VWA8: variants seen among roughly 807,000 people sequenced by gnomAD.
VWA8 encodes the protein von Willebrand factor A domain-containing protein 8.
In VWA8, 221 loss-of-function variants were observed where a neutral mutation model predicts 241.5. The ratio of observed to expected loss-of-function variants is 0.91; its 90% CI spans 0.82 to 1.02. The LOEUF (loss-of-function observed/expected upper bound fraction) is 1.02, where lower values mean the gene tolerates loss of function less well. VWA8 is among the 50% of genes least tolerant of loss of function. The pLI is 0.00. For missense variants in VWA8, 2,322 were observed against 2,328.7 expected (o/e 1.00, Z 0.06); for synonymous variants, 852 against 827.1 (o/e 1.03, Z -0.52).
At chr13:41,867,150 T>C (rs769132932) in intron 10 of VWA8, among the ~76,000 whole-genome samples, 3 of 152,240 alleles carry the variant, frequency 2.0e-5, no homozygotes, top group Admixed American at 6.5e-5. Context: ...TAATGAAGTC[T>C]TGTTCATACC....
intron 40 of VWA8, among the ~76,000 whole-genome samples, chr13:41,595,275 A>G (rs1366138699): frequency 3.9e-5 from 6 of 152,168 alleles, no homozygotes; most frequent in African/African-American, 1.4e-4. Context: ...TAGCTTGAAG[A>G]CTGTTTCCAT....
chr13:41,684,047 T>C (rs1352875388), intron 35 of VWA8, among the ~76,000 whole-genome samples: 1 of 152,202 alleles, frequency 6.6e-6, no homozygotes, highest in African/African-American at 2.4e-5. Context: ...CCAGAATGGA[T>C]TGTAAACTTC....
chr13:41,624,976 AG>A (rs1337257418), intron 37 of VWA8, among the ~76,000 whole-genome samples: 2 of 152,248 alleles, frequency 1.3e-5, no homozygotes, highest in East Asian at 3.8e-4. Flanking sequence ...GTAAAGTTTC[AG>A]GATACAAAAT....
intron 40 of VWA8, 78 bp downstream of exon 40, chr13:41,605,090 A>G: frequency 2.1e-6 from 3 of 1,432,386 alleles, no homozygotes; most frequent in African/African-American, 1.4e-5. Flanking sequence ...TAGGGTTCAG[A>G]TAATTTTCTC....
chr13:41,859,445 C>T (rs536306726), intron 12 of VWA8, among the ~76,000 whole-genome samples: 1 of 152,190 alleles, frequency 6.6e-6, no homozygotes, highest in African/African-American at 2.4e-5. Context: ...ATTATTTTCA[C>T]TAAAAGTCCC....
At chr13:41,604,509 CAGA>C (rs937543580) in intron 40 of VWA8, among the ~76,000 whole-genome samples, 1 of 152,046 alleles carries the variant, frequency 6.6e-6, no homozygotes, top group African/African-American at 2.4e-5. Flanking sequence ...AACGGCATCA[CAGA>C]AGTTCTAATC....
At chr13:41,764,842 G>A (rs1295879709) in intron 20 of VWA8, among the ~76,000 whole-genome samples, 1 of 152,054 alleles carries the variant, frequency 6.6e-6, no homozygotes. Flanking sequence ...AAAGCACCAA[G>A]AAGCCACTGA....
At chr13:41,590,495 C>G in intron 41 of VWA8, 145 bp downstream of exon 41, 1 of 888,650 alleles carries the variant, frequency 1.1e-6, no homozygotes, top group Non-Finnish European at 1.6e-6. Context: ...TCTTCTTCTT[C>G]TTCTTTTTTT....
At chr13:41,763,304 AATAAATAG>A (rs1320818153) in intron 20 of VWA8, among the ~76,000 whole-genome samples, 55 of 140,360 alleles carry the variant, frequency 3.9e-4, no homozygotes, top group African/African-American at 1.4e-3. Flanking sequence ...TAAATAAATA[AATAAATAG>A]ATAGATAGAT....
chr13:41,849,110 TCAAA>T lies in VWA8; in HGVS notation c.1426-15583_1426-15580del, dbSNP rs1353187434. On this transcript the variant is annotated intron_variant, in intron 12 of 44. Coordinates refer to ENST00000379310, the MANE Select transcript of VWA8 (RefSeq NM_015058.2). ...ATGGTTCTGCCAAATGGCTTCCACT[TCAAA>T]CAGCCTTGTTTCTAACTATGAGACT... Among the ~76,000 whole-genome samples the T allele has an allele frequency of 2.0e-5, 3 of 152,334 alleles. No individual in the cohort carries two copies. The East Asian group carries it at 5.8e-4, about 29-fold the overall frequency.
intron 4 of VWA8, among the ~76,000 whole-genome samples, chr13:41,895,098 A>C (rs990644794): frequency 2.0e-5 from 3 of 152,106 alleles, no homozygotes; most frequent in Non-Finnish European, 4.4e-5. Context: ...AAATAAAACT[A>C]AAAGAGTTGC....
chr13:41,586,597 C>A lies in VWA8; in HGVS notation c.5271+915G>T, dbSNP rs115261193. Among the ~76,000 whole-genome samples, 713 of 152,222 alleles carry A rather than the reference C, an allele frequency of 4.7e-3. 6 individuals carry two copies. Among genetic ancestry groups the A allele is most frequent in the African/African-American group, 0.016 (684 of 41,506 alleles). On this transcript the variant is annotated intron_variant, in intron 42 of 44. Transcript: ENST00000379310. ...ATCCTTAATAATAGGCCTAAAGTAC[C>A]TGAAGTGATGGGTTTCATCAATCTG...
chr13:41,913,470 CTTTG>C (rs1876107722), intron 2 of VWA8, among the ~76,000 whole-genome samples: 1 of 152,124 alleles, frequency 6.6e-6, no homozygotes. Context: ...ACGTGCTAAA[CTTTG>C]TTTAATCACC....
chr13:41,585,604 G>A (rs554583845), intron 42 of VWA8, among the ~76,000 whole-genome samples: 7 of 152,194 alleles, frequency 4.6e-5, no homozygotes, highest in East Asian at 1.9e-4. Context: ...GGTGGCTTGC[G>A]CCTGTAATCC....
chr13:41,883,542 A>T lies in VWA8; in HGVS notation c.976-51T>A, dbSNP rs1002155450. 4.4e-6 allele frequency: 6 copies of T among 1,358,176 alleles called. No individual in the cohort carries two copies. The African/African-American group carries it at 7.2e-5, about 16-fold the overall frequency. 84.1% of individuals were successfully genotyped at this position (1,358,176 alleles called of 1,614,324 possible). ...AATGAGCAAAATTCAAAATAATCAC[A>T]GAAAACATCTGAAATGTACATATGA... On this transcript the variant is annotated intron_variant, in intron 8 of 44. Transcript: ENST00000379310.
At chr13:41,944,734 C>A (rs1007531703) in intron 2 of VWA8, among the ~76,000 whole-genome samples, 5 of 152,216 alleles carry the variant, frequency 3.3e-5, no homozygotes, top group African/African-American at 1.2e-4. Context: ...ACCTGTCTGG[C>A]AGCTCCCTGA....
intron 18 of VWA8, among the ~76,000 whole-genome samples, chr13:41,784,680 T>TTATGCA (rs1869059246): frequency 8.7e-5 from 5 of 57,632 alleles, no homozygotes; most frequent in African/African-American, 2.9e-4. Context: ...CTCTCTCTCT[T>TTATGCA]TATACATATA....
chr13:41,571,877 G>A (rs551051532), intron 43 of VWA8, among the ~76,000 whole-genome samples: 1 of 151,966 alleles, frequency 6.6e-6, no homozygotes, highest in South Asian at 2.1e-4. Flanking sequence ...GCCTCTTCCC[G>A]GCCGCCATCC....
At chr13:41,912,279 G>T in intron 2 of VWA8, 111 bp from the exon 3 acceptor site, 2 of 773,190 alleles carry the variant, frequency 2.6e-6, no homozygotes, top group Non-Finnish European at 3.5e-6. Context: ...TAAAATATGT[G>T]TTTATCTGTG....
Sources: gnomAD v4.1 joint callset for allele counts (sites outside exome capture counted in the v4.1 genomes callset) on GRCh38, gnomAD v4.1.1 for gene constraint, MANE v1.5 for transcripts, NCBI Gene and HGNC (gene_info 2026-07-23, HGNC 2026-07-21) for gene names.